KRABD5: variants seen among roughly 807,000 people sequenced by gnomAD.
KRABD5 encodes the protein KRAB domain-containing protein 5.
At chr16:31,721,818 G>A in the KRABD5 span, among the ~76,000 whole-genome samples, 1 of 152,132 alleles carries the variant, frequency 6.6e-6, no homozygotes, top group African/African-American at 2.4e-5. Flanking sequence ...TGGACCTGAG[G>A]CATTGGTGTC....
the KRABD5 span, among the ~76,000 whole-genome samples, chr16:31,741,655 A>AT: frequency 1.3e-5 from 2 of 150,650 alleles, no homozygotes; most frequent in Non-Finnish European, 1.5e-5. Flanking sequence ...TAATGGGGTT[A>AT]TTTTTTTTCT....
chr16:31,718,174 C>T, the KRABD5 span, among the ~76,000 whole-genome samples: 1 of 152,100 alleles, frequency 6.6e-6, no homozygotes, highest in Non-Finnish European at 1.5e-5. Flanking sequence ...ATCTGTAGCT[C>T]CAAATGTTGA....
chr16:31,754,440 A>G, the KRABD5 span: 2 of 650,236 alleles, frequency 3.1e-6, no homozygotes, highest in South Asian at 1.7e-5. Flanking sequence ...AATTACCAGT[A>G]TATTTGTGTT....
chr16:31,726,145 T>C, the KRABD5 span, among the ~76,000 whole-genome samples: 5 of 152,234 alleles, frequency 3.3e-5, no homozygotes, highest in Admixed American at 6.5e-5. Flanking sequence ...TCTTTTTGAG[T>C]TCATTTTTGT....
the KRABD5 span, among the ~76,000 whole-genome samples, chr16:31,741,007 T>C: frequency 6.6e-6 from 1 of 152,152 alleles, no homozygotes; most frequent in Non-Finnish European, 1.5e-5. Flanking sequence ...CCATTGTCTC[T>C]TTTCCCCATC....
At chr16:31,713,405 G>A in the KRABD5 span, 1 of 1,603,610 alleles carries the variant, frequency 6.2e-7, no homozygotes, top group Non-Finnish European at 8.5e-7. Context: ...CCGTAGCTCA[G>A]ACGCCAGGAC....
the KRABD5 span, chr16:31,722,827 A>C: frequency 2.1e-5 from 31 of 1,444,600 alleles, no homozygotes; most frequent in Non-Finnish European, 2.7e-5. Flanking sequence ...GTAGAATGTC[A>C]CTTGGGAGCT....
the KRABD5 span, among the ~76,000 whole-genome samples, chr16:31,740,388 T>G: frequency 1.3e-5 from 2 of 152,350 alleles, no homozygotes; most frequent in Admixed American, 1.3e-4. Flanking sequence ...AATTTAGTTA[T>G]TTTTCAGCTC....
the KRABD5 span, among the ~76,000 whole-genome samples, chr16:31,715,806 A>C: frequency 6.6e-6 from 1 of 152,292 alleles, no homozygotes; most frequent in African/African-American, 2.4e-5. Flanking sequence ...TGTCATAAAA[A>C]AGATAGCACA....
At chr16:31,755,167 G>C in the KRABD5 span, 1 of 480,182 alleles carries the variant, frequency 2.1e-6, no homozygotes, top group African/African-American at 2.0e-5. Context: ...TTAACTGTAG[G>C]TCGTACCTAA....
chr16:31,729,622 T>C, the KRABD5 span, among the ~76,000 whole-genome samples: 1 of 152,224 alleles, frequency 6.6e-6, no homozygotes, highest in South Asian at 2.1e-4. Context: ...TCTTTATCAA[T>C]GTCTGTTTAT....
the KRABD5 span, chr16:31,759,391 A>G: frequency 6.5e-7 from 1 of 1,538,166 alleles, no homozygotes. Flanking sequence ...AATCAACAAG[A>G]TAATCTCTGC....
chr16:31,740,047 C>T, the KRABD5 span, among the ~76,000 whole-genome samples: 16 of 152,328 alleles, frequency 1.1e-4, no homozygotes, highest in South Asian at 3.3e-3. Context: ...AGAAACAATG[C>T]TTATCACTGG....
At chr16:31,720,702 T>A in the KRABD5 span, among the ~76,000 whole-genome samples, 25 of 152,258 alleles carry the variant, frequency 1.6e-4, no homozygotes, top group African/African-American at 5.3e-4. Flanking sequence ...TTCATTCACC[T>A]GGTTCAGGTG....
At chr16:31,754,812 A>G in the KRABD5 span, 922 of 469,804 alleles carry the variant, frequency 2.0e-3, 11 homozygotes, top group African/African-American at 0.016. Context: ...AAAGAATGTG[A>G]CAAAGCCTTT....
At chr16:31,759,512 A>G in the KRABD5 span, 1 of 1,222,790 alleles carries the variant, frequency 8.2e-7, no homozygotes, top group African/African-American at 1.5e-5. Context: ...TGTACAGTTA[A>G]GGTTTATGCC....
At chr16:31,750,596 C>T in the KRABD5 span, among the ~76,000 whole-genome samples, 2 of 152,032 alleles carry the variant, frequency 1.3e-5, no homozygotes, top group Non-Finnish European at 2.9e-5. Context: ...GTGTTCTTCT[C>T]TCATTCTTGT....
chr16:31,753,059 C>T, the KRABD5 span, among the ~76,000 whole-genome samples: 2 of 152,128 alleles, frequency 1.3e-5, no homozygotes, highest in Admixed American at 1.3e-4. Context: ...AAGTAAGAGA[C>T]AGCTACCTAT....
the KRABD5 span, among the ~76,000 whole-genome samples, chr16:31,727,034 T>C: frequency 6.6e-6 from 1 of 152,238 alleles, no homozygotes; most frequent in Non-Finnish European, 1.5e-5. Context: ...TTTTATACTT[T>C]TGATGCTATT....
Sources: gnomAD v4.1 joint callset for allele counts (sites outside exome capture counted in the v4.1 genomes callset) on GRCh38, gnomAD v4.1.1 for gene constraint, MANE v1.5 for transcripts, NCBI Gene and HGNC (gene_info 2026-07-23, HGNC 2026-07-21) for gene names.